MAN1C1: variants seen among roughly 807,000 people sequenced by gnomAD.
MAN1C1 encodes mannosyl-oligosaccharide 1,2-alpha-mannosidase IC.
A neutral mutation model predicts 71.5 loss-of-function variants in MAN1C1; 49 were observed. The observed-to-expected ratio is 0.69, with a 90% CI of 0.54 to 0.87. MAN1C1 has a LOEUF of 0.87. Among genes scored for constraint, MAN1C1 ranks in the 40% least tolerant of loss-of-function variants. MAN1C1 has a pLI of 0.00. For synonymous variants in MAN1C1, 352 were observed against 343.7 expected, an observed-to-expected ratio of 1.02 and a Z score of -0.27; for missense variants, 743 against 835.0, an observed-to-expected ratio of 0.89 and a Z score of 1.36.
Position 25,711,202 on chromosome 1 carries a change from A to G in MAN1C1, c.637+24666A>G, listed in dbSNP as rs2046608638. On this transcript the variant is annotated intron_variant, in intron 2 of 11. Transcript: ENST00000374332. This position sits in a 1 kb window ranked among gnomAD's most constrained non-coding sequence, Gnocchi z 4.3. ...TAAGACCTAGGCTCAGAACTGGCAC[A>G]CAGTCACTTCCTCTGCATCCTGTTG... Among the ~76,000 whole-genome samples the G allele has an allele frequency of 1.3e-5, 2 of 152,180 alleles. No homozygotes were observed. The highest frequency in any genetic ancestry group is 4.8e-5 in the African/African-American group (2 of 41,436).
chr1:25,768,775 CCT>C (rs566132898), intron 7 of MAN1C1, among the ~76,000 whole-genome samples: 16 of 140,258 alleles, frequency 1.1e-4, no homozygotes, highest in South Asian at 7.2e-4. Flanking sequence ...TCCACACTCC[CCT>C]CACACATACA....
At chr1:25,702,167 C>T (rs1277970822) in intron 2 of MAN1C1, among the ~76,000 whole-genome samples, 2 of 152,178 alleles carry the variant, frequency 1.3e-5, no homozygotes, top group African/African-American at 2.4e-5. Flanking sequence ...GCATGACGAT[C>T]GCCGGCCTAA....
intron 1 of MAN1C1, among the ~76,000 whole-genome samples, chr1:25,635,444 T>C (rs891201407): frequency 4.0e-5 from 6 of 150,284 alleles, no homozygotes; most frequent in African/African-American, 1.5e-4. Flanking sequence ...CTTTCTTTTT[T>C]TTTTTTTTTT....
In MAN1C1 at chr1:25,769,264, A is replaced by C; in HGVS notation, c.1142-2393A>C. On this transcript the variant is annotated intron_variant, in intron 7 of 11. Transcript: ENST00000374332. The surrounding 1 kb of genome is among the most constrained non-coding windows in gnomAD (Gnocchi z 4.8). Reference sequence around the variant, plus strand: ...ACACCACACTCCTTGACACACACACACTCTCCCTACACACACATCCACACA... The same window carrying C: ...ACACCACACTCCTTGACACACACACCCTCTCCCTACACACACATCCACACA... Among the ~76,000 whole-genome samples the C allele has an allele frequency of 6.8e-6, 1 of 146,072 alleles. No homozygotes were observed. Among genetic ancestry groups the C allele is most frequent in the African/African-American group, 2.6e-5 (1 of 38,730 alleles).
rs939416820 is a variant in MAN1C1 at position 25,753,416 on chromosome 1, G to A, written c.835-68G>A. 2.5e-6 allele frequency: 3 copies of A among 1,220,708 alleles called. No individual in the cohort carries two copies. The Admixed American group carries it at 6.2e-5, about 25-fold the overall frequency. 75.6% of individuals were successfully genotyped at this position (1,220,708 alleles called of 1,614,324 possible). A position where few individuals can be genotyped will look rare whatever the true frequency, so the allele number is the denominator to read the frequency against. On this transcript the variant is annotated intron_variant, in intron 4 of 11. Coordinates refer to ENST00000374332, the MANE Select transcript of MAN1C1 (RefSeq NM_020379.4). This position sits in a 1 kb window ranked among gnomAD's most constrained non-coding sequence, Gnocchi z 4.9. Reference sequence around the variant, plus strand: ...CCCTGGGGGGTTCATCCTGCCTGCAGCAGTTCTGGGGTTGACCTTCCCTCA... The same window carrying A: ...CCCTGGGGGGTTCATCCTGCCTGCAACAGTTCTGGGGTTGACCTTCCCTCA...
chr1:25,670,378 A>G (rs1237782842), intron 1 of MAN1C1, among the ~76,000 whole-genome samples: 1 of 152,184 alleles, frequency 6.6e-6, no homozygotes, highest in Non-Finnish European at 1.5e-5. Context: ...TTTAAAAAAA[A>G]ATTGTTAAAG....
chr1:25,742,437 G>C (rs1191322753), intron 2 of MAN1C1, among the ~76,000 whole-genome samples: 1 of 152,204 alleles, frequency 6.6e-6, no homozygotes, highest in Non-Finnish European at 1.5e-5. Context: ...TTTCCTTTAA[G>C]TTGGGCCAAG....
intron 2 of MAN1C1, among the ~76,000 whole-genome samples, chr1:25,731,922 G>A (rs1315442370): frequency 4.6e-5 from 7 of 152,146 alleles, no homozygotes; most frequent in Non-Finnish European, 7.4e-5. Context: ...CATGCACCTG[G>A]CATCACACTA....
intron 5 of MAN1C1, among the ~76,000 whole-genome samples, chr1:25,758,143 C>T (rs2047313877): frequency 1.3e-5 from 2 of 152,220 alleles, no homozygotes; most frequent in Admixed American, 6.5e-5. Context: ...GTCCCATTTG[C>T]ACCCGAATCA....
intron 1 of MAN1C1, among the ~76,000 whole-genome samples, chr1:25,653,507 C>T (rs1222932838): frequency 2.0e-5 from 3 of 152,214 alleles, no homozygotes; most frequent in African/African-American, 7.2e-5. Context: ...AATTAGGTGT[C>T]TTGTCATCCC....
intron 2 of MAN1C1, among the ~76,000 whole-genome samples, chr1:25,720,695 C>T (rs1283122020): frequency 2.0e-5 from 3 of 152,098 alleles, no homozygotes; most frequent in Non-Finnish European, 2.9e-5. Flanking sequence ...TCCAGTGTAT[C>T]GATTTTTTTC....
intron 2 of MAN1C1, among the ~76,000 whole-genome samples, chr1:25,710,396 G>A (rs1162054521): frequency 5.3e-5 from 8 of 152,218 alleles, no homozygotes; most frequent in Non-Finnish European, 1.2e-4. Context: ...CATTCATCTT[G>A]CCTGCTGGCT....
intron 2 of MAN1C1, among the ~76,000 whole-genome samples, chr1:25,721,578 T>C (rs2046766742): frequency 6.6e-6 from 1 of 152,242 alleles, no homozygotes; most frequent in Admixed American, 6.5e-5. Context: ...AATTTCCATT[T>C]TGGAATGTTC....
chr1:25,683,603 G>A (rs1572147183), intron 1 of MAN1C1, among the ~76,000 whole-genome samples: 1 of 151,884 alleles, frequency 6.6e-6, no homozygotes, highest in African/African-American at 2.4e-5. Context: ...AGGTCTCCCT[G>A]CAAAAGTGCC....
chr1:25,637,483 A>C (rs1423532007), intron 1 of MAN1C1, among the ~76,000 whole-genome samples: 1 of 152,144 alleles, frequency 6.6e-6, no homozygotes. Flanking sequence ...TATGGTCTAT[A>C]TTGGCAAATG....
At chr1:25,700,811 C>G (rs1261009534) in intron 2 of MAN1C1, among the ~76,000 whole-genome samples, 1 of 152,054 alleles carries the variant, frequency 6.6e-6, no homozygotes. Context: ...GGGGACAGGC[C>G]AGGCCAAGCG....
In MAN1C1 at chr1:25,617,839, G is replaced by A; in HGVS notation, c.42G>A (p.Pro14=). The change falls in exon 1 of 12, where the codon CCG becomes CCA. Residue 14 remains proline (P), a synonymous_variant. Coordinates refer to ENST00000374332, the MANE Select transcript of MAN1C1 (RefSeq NM_020379.4). The surrounding 1 kb of genome is among the most constrained non-coding windows in gnomAD (Gnocchi z 5.1). ...TGCCCGGCTTCGTCCCGGCCTCCCC[G>A]TGGGGGCTGCGGCTGCCGCAGAAGT... ...RKVPGFVPAS[P]WGLRLPQKFL... The A allele has an allele frequency of 6.2e-7, 1 of 1,605,570 alleles. No homozygotes were observed.
chr1:25,739,641 T>A (rs1247730278), intron 2 of MAN1C1, among the ~76,000 whole-genome samples: 1 of 152,162 alleles, frequency 6.6e-6, no homozygotes, highest in Non-Finnish European at 1.5e-5. Context: ...GCTCAGCAGC[T>A]CCTGGGGAGG....
chr1:25,698,795 CA>C (rs1433259885), intron 2 of MAN1C1, among the ~76,000 whole-genome samples: 1 of 151,464 alleles, frequency 6.6e-6, no homozygotes, highest in Non-Finnish European at 1.5e-5. Flanking sequence ...ACTAAAAATA[CA>C]AAATTAGCTG....
Sources: gnomAD v4.1 joint callset for allele counts (sites outside exome capture counted in the v4.1 genomes callset) on GRCh38, gnomAD v4.1.1 for gene constraint, Gnocchi (gnomAD v3.1) non-coding constraint, MANE v1.5 for transcripts, NCBI Gene and HGNC (gene_info 2026-07-23, HGNC 2026-07-21) for gene names.